PTAR1: variants seen among roughly 807,000 people sequenced by gnomAD.
The protein encoded by PTAR1 is protein prenyltransferase alpha subunit repeat-containing protein 1.
In PTAR1, 17 loss-of-function variants were observed where a neutral mutation model predicts 45.5. The observed-to-expected ratio is 0.37, with a 90% CI of 0.26 to 0.56. The LOEUF (loss-of-function observed/expected upper bound fraction) is 0.56, where lower values mean the gene tolerates loss of function less well. Among genes scored for constraint, PTAR1 ranks in the 20% least tolerant of loss-of-function variants. The probability of loss-of-function intolerance (pLI) is 0.77; values close to 1 mark genes in which losing one functional copy is unlikely to be tolerated. For synonymous variants in PTAR1, 169 were observed against 171.3 expected (o/e 0.99, Z 0.11); for missense variants, 391 against 476.3 (o/e 0.82, Z 1.67).
intron 1 of PTAR1, among the ~76,000 whole-genome samples, chr9:69,754,097 A>C (rs1475326500): frequency 6.6e-6 from 1 of 152,186 alleles, no homozygotes; most frequent in Non-Finnish European, 1.5e-5. Context: ...GTAGGTCAGT[A>C]AGCTTCCAAA....
In PTAR1 at chr9:69,759,944, C is replaced by G. The variant is rs1184027296; in HGVS notation, c.-6G>C. ...TCCTCGCTGGTCTCGGCCATGTTGGCGGCGGCCGCGACAGTTCGGGCGCGC... is the reference window on the plus strand; with the variant it reads ...TCCTCGCTGGTCTCGGCCATGTTGGGGGCGGCCGCGACAGTTCGGGCGCGC... On this transcript the variant is annotated 5_prime_UTR_variant, in exon 1 of 8. Coordinates refer to ENST00000340434, the MANE Select transcript of PTAR1 (RefSeq NM_001099666.2). 6.7e-7 allele frequency: 1 copy of G among 1,494,362 alleles called. No homozygotes were observed. The highest frequency in any genetic ancestry group is 8.9e-7 in the Non-Finnish European group (1 of 1,120,414). The allele number at this position is 1,494,362 out of a possible 1,614,324, so 92.6% of individuals were successfully genotyped here. A position where few individuals can be genotyped will look rare whatever the true frequency, so the allele number is the denominator to read the frequency against.
chr9:69,730,781 T>C (rs1197444092), intron 5 of PTAR1, among the ~76,000 whole-genome samples: 2 of 152,008 alleles, frequency 1.3e-5, no homozygotes, highest in African/African-American at 4.8e-5. Flanking sequence ...TAGGGTTTTA[T>C]ACTTTTTCAT....
intron 5 of PTAR1, among the ~76,000 whole-genome samples, chr9:69,727,601 T>G (rs1224466432): frequency 1.3e-5 from 2 of 152,182 alleles, no homozygotes; most frequent in Admixed American, 6.5e-5. Flanking sequence ...CTTTCTCTAA[T>G]TATGTGAAAT....
chr9:69,740,368 A>C (rs1170111110), intron 3 of PTAR1, among the ~76,000 whole-genome samples: 2 of 152,134 alleles, frequency 1.3e-5, no homozygotes, highest in Admixed American at 6.6e-5. Context: ...GGCTTATAGA[A>C]TATACAATGA....
intron 3 of PTAR1, among the ~76,000 whole-genome samples, chr9:69,736,960 C>T (rs1394988867): frequency 6.6e-6 from 1 of 152,124 alleles, no homozygotes; most frequent in African/African-American, 2.4e-5. Context: ...ATGTAATAAA[C>T]ATTGCTAGGG....
In PTAR1 at chr9:69,713,982, C is replaced by T. The variant is rs1824626965; in HGVS notation, c.*4360G>A. On this transcript the variant is annotated 3_prime_UTR_variant, in exon 8 of 8. Transcript: ENST00000340434. ...TTCTTAAACATTAAATATAATCTTG[C>T]TCCCAAAAAAGTAAGAAAGGCACTC... The T allele has an allele frequency of 6.6e-6, 1 of 152,064 alleles. No homozygotes were observed. Among genetic ancestry groups the T allele is most frequent in the African/African-American group, 2.4e-5 (1 of 41,424 alleles). 9.4% of individuals were successfully genotyped at this position (152,064 alleles called of 1,614,324 possible).
intron 3 of PTAR1, among the ~76,000 whole-genome samples, chr9:69,741,146 C>G (rs907145826): frequency 1.3e-4 from 20 of 152,140 alleles, no homozygotes; most frequent in African/African-American, 4.6e-4. Context: ...TTTTGGGGAT[C>G]TTAAAACAGT....
chr9:69,725,603 AATATAT>A (rs1554715487), intron 5 of PTAR1, among the ~76,000 whole-genome samples: 1 of 151,056 alleles, frequency 6.6e-6, no homozygotes, highest in South Asian at 2.1e-4. Context: ...AAAGAAAAAA[AATATAT>A]ATATATATTT....
chr9:69,754,723 T>TATATA (rs1491490515), intron 1 of PTAR1, among the ~76,000 whole-genome samples: 1 of 14,778 alleles, frequency 6.8e-5, no homozygotes, highest in Non-Finnish European at 2.1e-4. Flanking sequence ...TATATATATA[T>TATATA]TTTTTTTTTT....
chr9:69,721,374 A>T (rs1201325232), intron 6 of PTAR1, among the ~76,000 whole-genome samples: 1 of 152,196 alleles, frequency 6.6e-6, no homozygotes, highest in Admixed American at 6.5e-5. Flanking sequence ...TGGATGCATG[A>T]GGAGTTGCTT....
intron 6 of PTAR1, 91 bp downstream of exon 6, chr9:69,723,235 A>G: frequency 1.9e-6 from 2 of 1,079,052 alleles, no homozygotes; most frequent in Non-Finnish European, 2.8e-6. Context: ...TGTTTACCCA[A>G]GCAGGCAGGA....
intron 5 of PTAR1, among the ~76,000 whole-genome samples, chr9:69,728,888 A>T (rs1160811078): frequency 6.6e-6 from 1 of 152,230 alleles, no homozygotes; most frequent in Non-Finnish European, 1.5e-5. Context: ...ATGCTTTTAT[A>T]AAAAATACAA....
chr9:69,724,010 C>A (rs1825148949), intron 5 of PTAR1, among the ~76,000 whole-genome samples: 2 of 152,112 alleles, frequency 1.3e-5, no homozygotes, highest in Non-Finnish European at 2.9e-5. Context: ...AATATAAACT[C>A]AGATTACTTT....
chr9:69,754,232 C>T (rs1481695968), intron 1 of PTAR1, among the ~76,000 whole-genome samples: 3 of 152,074 alleles, frequency 2.0e-5, no homozygotes, highest in Non-Finnish European at 2.9e-5. Context: ...CTGCATTCCT[C>T]TGTCATTTCA....
rs73461073 is a variant in PTAR1 at position 69,721,206 on chromosome 9, T to C, written c.947+2120A>G. 8.7e-3 allele frequency among the ~76,000 whole-genome samples: 1,327 copies of C among 152,070 alleles called. 15 individuals are homozygous for C. Among genetic ancestry groups the C allele is most frequent in the African/African-American group, 0.029 (1,201 of 41,392 alleles). On this transcript the variant is annotated intron_variant, in intron 6 of 7. Transcript: ENST00000340434. ...TCAAAATATCAACATGAACAAAACT[T>C]TGAGAGAAGGTGATTCCAACCCTCA...
Position 69,727,026 on chromosome 9 carries a change from T to TACACACACAC in PTAR1, c.643-3406_643-3397dup, listed in dbSNP as rs71356128. ...AAATGACAAATTAAAATTGTGTATATACACACACACACACACACACACACA... is the reference window on the plus strand; with the variant it reads ...AAATGACAAATTAAAATTGTGTATATACACACACACACACACACACACACACACACACACA... On this transcript the variant is annotated intron_variant, in intron 5 of 7. Transcript: ENST00000340434. Among the ~76,000 whole-genome samples the TACACACACAC allele has an allele frequency of 7.8e-4, 115 of 147,206 alleles. 1 individual carries two copies. Among genetic ancestry groups the TACACACACAC allele is most frequent in the African/African-American group, 2.9e-3 (114 of 39,568 alleles).
chr9:69,711,896 T>C lies in PTAR1; in HGVS notation c.*6446A>G, dbSNP rs558992050. 2.2e-4 allele frequency: 34 copies of C among 152,240 alleles called. No homozygotes were observed. Among genetic ancestry groups the C allele is most frequent in the African/African-American group, 7.9e-4 (33 of 41,552 alleles). The allele number at this position is 152,240 out of a possible 1,614,324, so 9.4% of individuals were successfully genotyped here. A position where few individuals can be genotyped will look rare whatever the true frequency, so the allele number is the denominator to read the frequency against. On this transcript the variant is annotated 3_prime_UTR_variant, in exon 8 of 8. Coordinates refer to ENST00000340434, the MANE Select transcript of PTAR1 (RefSeq NM_001099666.2). ...CTCCTTGGTGAAAAGATGTCAACAGTCTCCTTTCTGAAAGCTGTTAGTTTG... is the reference window on the plus strand; with the variant it reads ...CTCCTTGGTGAAAAGATGTCAACAGCCTCCTTTCTGAAAGCTGTTAGTTTG...
chr9:69,723,442 T>C lies in PTAR1; in HGVS notation c.831A>G (p.Ala277=). The change falls in exon 6 of 8, where the codon GCA becomes GCG. Residue 277 remains alanine, a synonymous_variant. Transcript: ENST00000340434. ...TCCTTGGTTCTTCTGTTGAAACTGC[T>C]GCTTCTTCATCTTTTGGAGGAACTA... ...PALVPPKDEE[A]AVSTEEPRIN... 1 of 1,613,932 alleles carries C rather than the reference T, an allele frequency of 6.2e-7. No individual in the cohort carries two copies. Among genetic ancestry groups the C allele is most frequent in the South Asian group, 1.1e-5 (1 of 91,088 alleles).
intron 1 of PTAR1, chr9:69,758,350 G>T (rs1826891127): frequency 1.3e-5 from 2 of 149,506 alleles, no homozygotes; most frequent in African/African-American, 4.9e-5. Flanking sequence ...CCAGTGATGA[G>T]AAAATACACT....
Sources: gnomAD v4.1 joint callset for allele counts (sites outside exome capture counted in the v4.1 genomes callset) on GRCh38, gnomAD v4.1.1 for gene constraint, MANE v1.5 for transcripts, NCBI Gene and HGNC (gene_info 2026-07-23, HGNC 2026-07-21) for gene names.